Variants in ZNF827 observed in about 807,000 individuals in gnomAD.
ZNF827 encodes the protein zinc finger protein 827.
Under a neutral mutation model 102.4 loss-of-function variants are expected in ZNF827, and 13 were observed. That is an observed-to-expected ratio of 0.13 (90% CI 0.08 to 0.20). The LOEUF (loss-of-function observed/expected upper bound fraction) is 0.20, where lower values mean the gene tolerates loss of function less well. Among genes scored for constraint, ZNF827 ranks in the 10% least tolerant of loss-of-function variants. The probability of loss-of-function intolerance (pLI) is 1.00; values close to 1 mark genes in which losing one functional copy is unlikely to be tolerated. For missense variants in ZNF827, 1,103 were observed against 1,344.4 expected, an observed-to-expected ratio of 0.82 and a Z score of 2.81; for synonymous variants, 523 against 536.2, an observed-to-expected ratio of 0.98 and a Z score of 0.34.
intron 5 of ZNF827, among the ~76,000 whole-genome samples, chr4:145,856,678 CACAT>C (rs1476786642): frequency 8.1e-5 from 10 of 123,122 alleles, no homozygotes; most frequent in Non-Finnish European, 1.2e-4. Context: ...CTCCAGTACA[CACAT>C]ACACACACAC....
chr4:145,779,629 A>T (rs9308196), intron 8 of ZNF827, 118 bp from the exon 9 acceptor site: 368,238 of 1,363,660 alleles, frequency 0.27, 51,623 homozygotes, highest in African/African-American at 0.39. Flanking sequence ...AGTAATTGCA[A>T]ATGAGTCTCC....
chr4:145,780,130 G>A (rs1030798390), intron 8 of ZNF827, among the ~76,000 whole-genome samples: 7 of 152,320 alleles, frequency 4.6e-5, no homozygotes, highest in African/African-American at 1.7e-4. Flanking sequence ...GGCGGAGGTT[G>A]CAGTGAGCTG....
At chr4:145,818,166 G>A (rs1390440055) in intron 8 of ZNF827, among the ~76,000 whole-genome samples, 1 of 152,188 alleles carries the variant, frequency 6.6e-6, no homozygotes, top group Admixed American at 6.5e-5. Context: ...GCCAACAGCT[G>A]CGGTAAATGT....
intron 1 of ZNF827, among the ~76,000 whole-genome samples, chr4:145,911,959 C>A (rs949591603): frequency 2.0e-5 from 3 of 152,084 alleles, no homozygotes; most frequent in African/African-American, 7.2e-5. Flanking sequence ...TATAGGAAAC[C>A]AAACTTTTCA....
At chr4:145,919,820 T>A (rs906657076) in intron 1 of ZNF827, among the ~76,000 whole-genome samples, 13 of 152,182 alleles carry the variant, frequency 8.5e-5, no homozygotes, top group Non-Finnish European at 1.0e-4. Flanking sequence ...ATAAATATAA[T>A]CAACTCCAAC....
chr4:145,886,120 G>A lies in ZNF827; in HGVS notation c.1305C>T (p.Cys435=). 6.2e-7 allele frequency: 1 copy of A among 1,611,154 alleles called. No homozygotes were observed. Among genetic ancestry groups the A allele is most frequent in the Non-Finnish European group, 8.5e-7 (1 of 1,178,548 alleles). Residue 435 remains cysteine, a synonymous_variant, in exon 4 of 15, where the codon TGC becomes TGT. Coordinates refer to ENST00000508784, the MANE Select transcript of ZNF827 (RefSeq NM_001306215.2). ...GTGAGGAAGTAAAAGGGCACAGCTGGCACTGAAAGGTCTCTCCCCGATCCT... is the reference window on the plus strand; with the variant it reads ...GTGAGGAAGTAAAAGGGCACAGCTGACACTGAAAGGTCTCTCCCCGATCCT... ...QHQDRGETFQ[C]QLCPFTSSRH... is the part of the protein sequence containing the mutation.
At chr4:145,814,175 T>A (rs1480619141) in intron 8 of ZNF827, among the ~76,000 whole-genome samples, 2 of 152,158 alleles carry the variant, frequency 1.3e-5, no homozygotes, top group Non-Finnish European at 2.9e-5. Flanking sequence ...AAATTATCTA[T>A]CTATCTAGAT....
intron 5 of ZNF827, among the ~76,000 whole-genome samples, 194 bp from the exon 6 acceptor site, chr4:145,849,755 G>T (rs1746341997): frequency 6.6e-6 from 1 of 152,004 alleles, no homozygotes; most frequent in South Asian, 2.1e-4. Context: ...GGAGACTTCA[G>T]TTTTTTTTAG....
intron 1 of ZNF827, among the ~76,000 whole-genome samples, chr4:145,935,691 TTCAA>T (rs1371816399): frequency 6.6e-6 from 1 of 152,046 alleles, no homozygotes; most frequent in Non-Finnish European, 1.5e-5. Context: ...GCTAACAGGA[TTCAA>T]TCAGACAGCA....
chr4:145,844,654 T>G (rs1344663123), intron 7 of ZNF827, among the ~76,000 whole-genome samples: 1 of 149,890 alleles, frequency 6.7e-6, no homozygotes, highest in Non-Finnish European at 1.5e-5. Context: ...CACTCCAGCC[T>G]GGGAAACAGA....
At chr4:145,782,781 C>T (rs566232073) in intron 8 of ZNF827, among the ~76,000 whole-genome samples, 1 of 152,332 alleles carries the variant, frequency 6.6e-6, no homozygotes, top group African/African-American at 2.4e-5. Context: ...CACCCGAATG[C>T]TTGGCAAAGT....
intron 4 of ZNF827, 126 bp downstream of exon 4, chr4:145,885,551 CT>C: frequency 7.4e-7 from 1 of 1,348,818 alleles, no homozygotes; most frequent in Non-Finnish European, 9.6e-7. Context: ...TTAAAGGGAC[CT>C]TGAAATCATC....
intron 4 of ZNF827, among the ~76,000 whole-genome samples, chr4:145,872,410 GGAGA>G (rs1748774361): frequency 6.6e-6 from 1 of 152,182 alleles, no homozygotes; most frequent in Non-Finnish European, 1.5e-5. Context: ...TGCAAAACAA[GGAGA>G]GAGGCCTCAG....
At chr4:145,925,463 T>C (rs976386049) in intron 1 of ZNF827, among the ~76,000 whole-genome samples, 2 of 152,206 alleles carry the variant, frequency 1.3e-5, no homozygotes, top group Non-Finnish European at 2.9e-5. Context: ...CTTGTTATCA[T>C]ATTGATTTGA....
intron 8 of ZNF827, among the ~76,000 whole-genome samples, chr4:145,820,675 T>C (rs575156343): frequency 6.6e-6 from 1 of 152,302 alleles, no homozygotes; most frequent in South Asian, 2.1e-4. Flanking sequence ...TGTCTGCTTT[T>C]CCCACCCCAC....
intron 1 of ZNF827, among the ~76,000 whole-genome samples, chr4:145,907,941 A>T (rs1751997418): frequency 6.6e-6 from 1 of 152,236 alleles, no homozygotes; most frequent in Non-Finnish European, 1.5e-5. Context: ...CCTTTGGGGA[A>T]AACAAAACAA....
intron 8 of ZNF827, among the ~76,000 whole-genome samples, chr4:145,793,944 TG>T (rs1289261408): frequency 6.6e-6 from 1 of 152,108 alleles, no homozygotes; most frequent in South Asian, 2.1e-4. Flanking sequence ...AAACTCTGAC[TG>T]GGGGGAAGTC....
At chr4:145,844,028 T>C (rs1745676063) in intron 7 of ZNF827, among the ~76,000 whole-genome samples, 1 of 152,220 alleles carries the variant, frequency 6.6e-6, no homozygotes, top group Non-Finnish European at 1.5e-5. Flanking sequence ...AAGAATCCTA[T>C]GGCAGCAAAT....
chr4:145,879,738 G>T (rs917371811), intron 4 of ZNF827, among the ~76,000 whole-genome samples: 1 of 152,180 alleles, frequency 6.6e-6, no homozygotes, highest in Non-Finnish European at 1.5e-5. Context: ...TAATTCCTGA[G>T]ATGCCTAAAA....
Sources: allele counts gnomAD v4.1 joint callset (sites outside exome capture counted in the v4.1 genomes callset), GRCh38; gene constraint gnomAD v4.1.1; transcripts MANE v1.5; gene names NCBI Gene and HGNC (gene_info 2026-07-23, HGNC 2026-07-21).